Variants in TBC1D5 observed in about 807,000 individuals in gnomAD.
TBC1D5 encodes TBC1 domain family member 5.
In TBC1D5, 75 loss-of-function variants were observed where a neutral mutation model predicts 100.3. The ratio of observed to expected loss-of-function variants is 0.75; its 90% CI spans 0.62 to 0.91. The LOEUF (loss-of-function observed/expected upper bound fraction) is 0.91, where lower values mean the gene tolerates loss of function less well. TBC1D5 is among the 40% of genes least tolerant of loss of function. The pLI is 0.00. For synonymous variants in TBC1D5, 323 were observed against 325.6 expected (o/e 0.99, Z 0.09); for missense variants, 910 against 942.4 (o/e 0.97, Z 0.45).
chr3:17,660,472 C>T (rs2153741563), intron 1 of TBC1D5, among the ~76,000 whole-genome samples: 1 of 152,238 alleles, frequency 6.6e-6, no homozygotes, highest in East Asian at 1.9e-4. Flanking sequence ...TTAATTAAAC[C>T]AAACAGCACA....
intron 1 of TBC1D5, among the ~76,000 whole-genome samples, chr3:17,675,057 G>A (rs2068447551): frequency 1.3e-5 from 2 of 151,994 alleles, no homozygotes; most frequent in Middle Eastern, 3.4e-3. Context: ...AAATTTGAAT[G>A]GTTTAATGAA....
intron 2 of TBC1D5, among the ~76,000 whole-genome samples, chr3:17,565,822 A>C (rs1360194888): frequency 6.6e-6 from 1 of 152,072 alleles, no homozygotes; most frequent in African/African-American, 2.4e-5. Flanking sequence ...AAAGGGAAGA[A>C]ATGTTAAAAA....
At chr3:17,722,895 A>T (rs995691789) in intron 1 of TBC1D5, among the ~76,000 whole-genome samples, 3 of 152,168 alleles carry the variant, frequency 2.0e-5, no homozygotes, top group African/African-American at 7.2e-5. Context: ...TTCCCCAGAA[A>T]TGTATTTGGG....
chr3:17,204,290 CT>C (rs1237320368), intron 18 of TBC1D5, among the ~76,000 whole-genome samples: 1 of 152,204 alleles, frequency 6.6e-6, no homozygotes, highest in Non-Finnish European at 1.5e-5. Context: ...TCAAAGCCCT[CT>C]TTTCCTTCCC....
intron 15 of TBC1D5, among the ~76,000 whole-genome samples, chr3:17,269,440 G>A (rs1288804737): frequency 1.3e-5 from 2 of 152,108 alleles, no homozygotes; most frequent in African/African-American, 2.4e-5. Context: ...GTTTTAAGAG[G>A]TAGCTGAACT....
intron 2 of TBC1D5, among the ~76,000 whole-genome samples, chr3:17,549,541 G>C (rs1354881636): frequency 3.9e-5 from 6 of 152,110 alleles, no homozygotes; most frequent in Admixed American, 2.0e-4. Flanking sequence ...CAAGCCTTTA[G>C]TATGATTTTT....
In TBC1D5 at chr3:17,174,006, A is replaced by G. The variant is rs183334299; in HGVS notation, c.1853-6178T>C. 1.3e-3 allele frequency among the ~76,000 whole-genome samples: 201 copies of G among 152,324 alleles called. 1 individual carries two copies. The highest frequency in any genetic ancestry group is 4.5e-3 in the African/African-American group (186 of 41,574). ...ACATCAAATTCATCATGCAACCTCC[A>G]GTACATGGTGTGTATCTCTGTGTGT... On this transcript the variant is annotated intron_variant, in intron 19 of 21. Transcript: ENST00000253692.
chr3:17,596,773 T>C (rs1272848209), intron 2 of TBC1D5, among the ~76,000 whole-genome samples: 2 of 146,956 alleles, frequency 1.4e-5, no homozygotes, highest in Non-Finnish European at 3.0e-5. Flanking sequence ...GGCACTAACA[T>C]ACACTGGTAC....
intron 3 of TBC1D5, among the ~76,000 whole-genome samples, chr3:17,435,731 T>C (rs897427097): frequency 6.6e-6 from 1 of 152,180 alleles, no homozygotes; most frequent in Admixed American, 6.5e-5. Context: ...AATTGAAACA[T>C]AAGATAGACC....
At chr3:17,686,271 A>G (rs933627247) in intron 1 of TBC1D5, among the ~76,000 whole-genome samples, 8 of 152,090 alleles carry the variant, frequency 5.3e-5, no homozygotes, top group African/African-American at 1.9e-4. Context: ...TGACCTCATA[A>G]ATCAGCCTTC....
At chr3:17,486,743 A>G (rs2095573922) in intron 3 of TBC1D5, among the ~76,000 whole-genome samples, 1 of 152,136 alleles carries the variant, frequency 6.6e-6, no homozygotes, top group African/African-American at 2.4e-5. Flanking sequence ...TAGCATCTTC[A>G]CCCTCTAGAT....
intron 1 of TBC1D5, among the ~76,000 whole-genome samples, chr3:17,738,592 T>C (rs1351646503): frequency 6.6e-6 from 1 of 152,176 alleles, no homozygotes; most frequent in Non-Finnish European, 1.5e-5. Flanking sequence ...GCTTCCATCA[T>C]TCGGATGTGC....
chr3:17,563,688 A>C (rs1031909012), intron 2 of TBC1D5, among the ~76,000 whole-genome samples: 2 of 152,236 alleles, frequency 1.3e-5, no homozygotes, highest in East Asian at 3.8e-4. Flanking sequence ...TTTAAAAAGG[A>C]GTCTGGAAGG....
intron 3 of TBC1D5, among the ~76,000 whole-genome samples, chr3:17,494,672 C>CGCTGT (rs907331515): frequency 5.3e-5 from 8 of 152,316 alleles, no homozygotes; most frequent in South Asian, 2.1e-4. Context: ...CTACTACAGC[C>CGCTGT]GCTGTGCTGT....
chr3:17,216,220 G>A (rs1038416804), intron 17 of TBC1D5, among the ~76,000 whole-genome samples: 4 of 152,086 alleles, frequency 2.6e-5, no homozygotes, highest in African/African-American at 9.7e-5. Flanking sequence ...CTATTAGATT[G>A]TTCAGGATCT....
rs541457689 is a variant in TBC1D5, at chr3:17,344,224, G to C, written c.995+27851C>G. 1.3e-4 allele frequency among the ~76,000 whole-genome samples: 20 copies of C among 152,024 alleles called. No individual in the cohort carries two copies. The South Asian group carries it at 4.2e-3, about 32-fold the overall frequency. On this transcript the variant is annotated intron_variant, in intron 13 of 21. Coordinates refer to ENST00000253692, the Ensembl canonical transcript of TBC1D5. ...ATAAGCAACTTCAGCAAAGTCTCAG[G>C]ATACAAAATCAATGTACAAAAATCA...
At chr3:17,654,836 GA>G (rs2065905630) in intron 1 of TBC1D5, among the ~76,000 whole-genome samples, 1 of 152,100 alleles carries the variant, frequency 6.6e-6, no homozygotes, top group Non-Finnish European at 1.5e-5. Flanking sequence ...CACAATTTCA[GA>G]GCCTGTTATT....
chr3:17,651,027 T>C (rs1301571590), intron 1 of TBC1D5, among the ~76,000 whole-genome samples: 1 of 152,188 alleles, frequency 6.6e-6, no homozygotes, highest in Non-Finnish European at 1.5e-5. Flanking sequence ...ATACTATTAT[T>C]GGGATAGCTG....
At chr3:17,646,123 G>C (rs998643733) in intron 1 of TBC1D5, among the ~76,000 whole-genome samples, 1 of 152,036 alleles carries the variant, frequency 6.6e-6, no homozygotes, top group Non-Finnish European at 1.5e-5. Flanking sequence ...TATAAGAAGG[G>C]TAAATTTGGA....
Sources: allele counts gnomAD v4.1 joint callset (sites outside exome capture counted in the v4.1 genomes callset), GRCh38; gene constraint gnomAD v4.1.1; transcripts MANE v1.5; gene names NCBI Gene and HGNC (gene_info 2026-07-23, HGNC 2026-07-21).